The following CCDC63 variants were observed in gnomAD, a reference collection of about 807,000 sequenced individuals.
CCDC63 encodes the protein coiled-coil domain containing 63.
In CCDC63, 54 loss-of-function variants were observed where a neutral mutation model predicts 63.6. That is an observed-to-expected ratio of 0.85 (90% CI 0.68 to 1.07). CCDC63 has a LOEUF of 1.07. CCDC63 is among the 50% of genes least tolerant of loss of function. The probability of loss-of-function intolerance (pLI) is 0.00; values close to 1 mark genes in which losing one functional copy is unlikely to be tolerated. For missense variants in CCDC63, 637 were observed against 689.6 expected (o/e 0.92, Z 0.86); for synonymous variants, 253 against 266.1 (o/e 0.95, Z 0.48).
At chr12:110,894,298 A>AT (rs1341938550) in intron 9 of CCDC63, among the ~76,000 whole-genome samples, 16 of 152,296 alleles carry the variant, frequency 1.1e-4, no homozygotes, top group African/African-American at 2.6e-4. Flanking sequence ...TTTAAACTTC[A>AT]TTGGCCACCC....
At chr12:110,890,367 C>A (rs1220376782) in intron 8 of CCDC63, among the ~76,000 whole-genome samples, 5 of 151,818 alleles carry the variant, frequency 3.3e-5, no homozygotes, top group Admixed American at 3.3e-4. Context: ...GGAAAAAAAG[C>A]AAGATAGAGC....
intron 5 of CCDC63, among the ~76,000 whole-genome samples, chr12:110,879,343 G>C (rs1254811609): frequency 6.6e-6 from 1 of 152,220 alleles, no homozygotes; most frequent in Non-Finnish European, 1.5e-5. Context: ...AGGAGACACT[G>C]TTGGTTGTCA....
At position 110,873,891 on chromosome 12, in the gene CCDC63, A is replaced by G. The variant is rs746536737; in HGVS notation, c.419A>G (p.Lys140Arg). Reference sequence around the variant, plus strand: ...GCAAACCAAAAACAGATTTTCGCAAAAATGCAGGAGGCCAATAACCCCCGG... The same window carrying G: ...GCAAACCAAAAACAGATTTTCGCAAGAATGCAGGAGGCCAATAACCCCCGG... ...KIANQKQIFA[K>R]MQEANNPRKL... The change falls in exon 5 of 12, where the codon AAA becomes AGA. Residue 140 changes from lysine to arginine, a missense_variant. Transcript: ENST00000308208. 2.4e-5 allele frequency: 39 copies of G among 1,612,992 alleles called. 1 individual carries two copies. The Middle Eastern group carries it at 4.9e-4, about 20-fold the overall frequency.
chr12:110,852,624 A>G (rs1417171230), intron 1 of CCDC63, among the ~76,000 whole-genome samples: 1 of 152,116 alleles, frequency 6.6e-6, no homozygotes, highest in Non-Finnish European at 1.5e-5. Context: ...GACACGCCAG[A>G]ACCATCTGCC....
rs571282363 is a variant in CCDC63, at chr12:110,885,281, C to G, written c.1074+1031C>G. Among the ~76,000 whole-genome samples the G allele has an allele frequency of 4.6e-5, 7 of 152,154 alleles. No individual in the cohort carries two copies. The South Asian group carries it at 1.5e-3, about 32-fold the overall frequency. ...CCTGACCCTTGTTAATCAACAGTTT[C>G]GAGGAGTGAGAACTCATTCTCATCT... is the stretch of plus-strand genomic sequence containing the variant. On this transcript the variant is annotated intron_variant, in intron 8 of 11. Transcript: ENST00000308208.
intron 5 of CCDC63, among the ~76,000 whole-genome samples, chr12:110,874,956 T>A (rs1009026729): frequency 1.3e-4 from 20 of 152,192 alleles, no homozygotes; most frequent in Non-Finnish European, 2.5e-4. Context: ...CAGTCTGGTT[T>A]GTGAAACTGT....
intron 4 of CCDC63, among the ~76,000 whole-genome samples, chr12:110,867,537 C>G (rs1476616955): frequency 7.6e-5 from 10 of 131,940 alleles, no homozygotes; most frequent in African/African-American, 2.7e-4. Flanking sequence ...CTGACCCCCC[C>G]ACCTCCCTCC....
At chr12:110,884,298 C>T (rs746531225) in intron 8 of CCDC63, 48 bp downstream of exon 8, 1 of 1,487,038 alleles carries the variant, frequency 6.7e-7, no homozygotes, top group Non-Finnish European at 9.4e-7. Flanking sequence ...GTGTCCACAG[C>T]AGCCTTTCCA....
intron 8 of CCDC63, among the ~76,000 whole-genome samples, chr12:110,890,775 T>G (rs934188891): frequency 7.1e-6 from 1 of 140,998 alleles, no homozygotes; most frequent in Non-Finnish European, 1.5e-5. Context: ...CTCCTTTTCT[T>G]TTTTTTTTTT....
intron 4 of CCDC63, among the ~76,000 whole-genome samples, chr12:110,863,728 A>T (rs1243505227): frequency 1.3e-5 from 2 of 152,040 alleles, no homozygotes; most frequent in Non-Finnish European, 2.9e-5. Flanking sequence ...TTTAGTAGAG[A>T]TGGGGTTTCA....
intron 10 of CCDC63, among the ~76,000 whole-genome samples, chr12:110,899,365 C>A (rs1389770508): frequency 6.6e-6 from 1 of 152,158 alleles, no homozygotes; most frequent in Non-Finnish European, 1.5e-5. Flanking sequence ...GTTGTCCAGG[C>A]TGGAGTGCAG....
intron 10 of CCDC63, among the ~76,000 whole-genome samples, chr12:110,902,859 A>G (rs1329909075): frequency 2.7e-5 from 4 of 150,660 alleles, no homozygotes; most frequent in South Asian, 2.1e-4. Flanking sequence ...CTGGGATTAC[A>G]GGTGCCCGAC....
chr12:110,866,331 T>A (rs1433487966), intron 4 of CCDC63, among the ~76,000 whole-genome samples: 11 of 144,940 alleles, frequency 7.6e-5, no homozygotes, highest in Middle Eastern at 7.2e-3. Flanking sequence ...TTTTAATTTA[T>A]TTTTTTATTG....
intron 8 of CCDC63, among the ~76,000 whole-genome samples, chr12:110,884,852 A>ATTTTTTTT (rs34391026): frequency 2.3e-5 from 3 of 130,708 alleles, no homozygotes; most frequent in Non-Finnish European, 4.8e-5. Context: ...ACGCCCTGCT[A>ATTTTTTTT]TTTTTTTTTT....
At position 110,889,950 on chromosome 12, in the gene CCDC63, C is replaced by T. The variant is rs563067466; in HGVS notation, c.1075-3126C>T. ...AAATACTAAAAAGTATAAATACAAC[C>T]TCCAAATCAGGAATAATTCCATCAC... is the stretch of plus-strand genomic sequence containing the variant. On this transcript the variant is annotated intron_variant, in intron 8 of 11. Transcript: ENST00000308208. The surrounding 1 kb of genome is among the most constrained non-coding windows in gnomAD (Gnocchi z 4.1). Among the ~76,000 whole-genome samples, 13 of 152,110 alleles carry T rather than the reference C, an allele frequency of 8.5e-5. No homozygotes were observed. The highest frequency in any genetic ancestry group is 2.0e-4 in the Admixed American group (3 of 15,266).
intron 8 of CCDC63, among the ~76,000 whole-genome samples, chr12:110,891,827 C>T (rs1474506314): frequency 2.6e-5 from 4 of 152,078 alleles, no homozygotes; most frequent in Non-Finnish European, 5.9e-5. Context: ...ATTTGATTGT[C>T]CCCAACTGGG....
chr12:110,858,647 A>T lies in CCDC63; in HGVS notation c.241A>T (p.Lys81Ter), dbSNP rs1362488394. The change falls in exon 4 of 12, where the codon AAA (lysine) becomes TAA (stop). Residue 81 changes from lysine (K) to a stop codon, truncating the protein, a stop_gained. Coordinates refer to ENST00000308208, the MANE Select transcript of CCDC63 (RefSeq NM_152591.3). LOFTEE classifies it high-confidence loss of function. ...GATCACCCTACTGTTGAGTCTCATG[A>T]AATCCTCGAGGAACATGAATCGGAG... ...DEITLLLSLM[K>*]SSRNMNRSEK... 6.2e-7 allele frequency: 1 copy of T among 1,614,080 alleles called. No homozygotes were observed. The highest frequency in any genetic ancestry group is 8.5e-7 in the Non-Finnish European group (1 of 1,179,990).
At chr12:110,869,645 A>G (rs1226712989) in intron 4 of CCDC63, among the ~76,000 whole-genome samples, 2 of 152,124 alleles carry the variant, frequency 1.3e-5, no homozygotes, top group African/African-American at 2.4e-5. Context: ...CATATGAGAA[A>G]CTATGGAGTG....
intron 4 of CCDC63, among the ~76,000 whole-genome samples, chr12:110,869,729 A>G (rs998979567): frequency 9.2e-5 from 14 of 152,162 alleles, no homozygotes; most frequent in African/African-American, 2.7e-4. Context: ...ATAGAGAGAC[A>G]CTAACATTTT....
Sources: allele counts gnomAD v4.1 joint callset (sites outside exome capture counted in the v4.1 genomes callset), GRCh38; gene constraint gnomAD v4.1.1; non-coding constraint Gnocchi (gnomAD v3.1); transcripts MANE v1.5; gene names NCBI Gene and HGNC (gene_info 2026-07-23, HGNC 2026-07-21).